ERI2: variants seen among roughly 807,000 people sequenced by gnomAD.
ERI2 encodes ERI1 exoribonuclease 2.
A neutral mutation model predicts 46.8 loss-of-function variants in ERI2; 35 were observed. The ratio of observed to expected loss-of-function variants is 0.75; its 90% CI spans 0.57 to 0.99. ERI2 has a LOEUF of 0.99. Ranked by LOEUF, ERI2 falls within the 50% of genes least tolerant of loss-of-function variation. The pLI is 0.00. For missense variants in ERI2, 695 were observed against 796.2 expected (o/e 0.87, Z 1.53); for synonymous variants, 224 against 271.0 (o/e 0.83, Z 1.70).
At position 20,798,646 on chromosome 16, in the gene ERI2, G is replaced by T; in HGVS notation, c.1154C>A (p.Pro385Gln). The T allele has an allele frequency of 6.4e-7, 1 of 1,551,604 alleles. No homozygotes were observed. Among genetic ancestry groups the T allele is most frequent in the Non-Finnish European group, 8.7e-7 (1 of 1,146,908 alleles). ...SELVLVSTTV[P>Q]TVHHVSDLEM... ...CAAATCAGAAACATGATGAACAGTT[G>T]GAACGGTGGTAGAAACAAGTACCAA... is the stretch of plus-strand genomic sequence containing the variant. The change falls in exon 9 of 9, where the codon CCA (proline) becomes CAA (glutamine). Residue 385 changes from proline to glutamine, a missense_variant. By Grantham distance (76) the Pro-to-Gln change is moderately conservative. Transcript: ENST00000357967.
chr16:20,780,823 A>T (rs1313518883), intron 10 of ERI2: 1 of 1,614,254 alleles, frequency 6.2e-7, no homozygotes, highest in South Asian at 1.1e-5. Flanking sequence ...ACACACCCAC[A>T]GCAGTTTTGG....
intron 10 of ERI2, chr16:20,786,428 C>T (rs1254397422): frequency 3.6e-5 from 21 of 579,656 alleles, no homozygotes; most frequent in Non-Finnish European, 5.0e-5. Context: ...CGCCTGTAAT[C>T]CCAACACTTT....
In ERI2 at chr16:20,799,322, G is replaced by A. The variant is rs1475074777; in HGVS notation, c.673C>T (p.Leu225Phe). The A allele has an allele frequency of 6.2e-7, 1 of 1,613,700 alleles. No homozygotes were observed. The highest frequency in any genetic ancestry group is 1.7e-4 in the Middle Eastern group (1 of 6,060). Residue 225 changes from leucine (L) to phenylalanine (F), a missense_variant, in exon 8 of 9, where the codon CTT (leucine) becomes TTT (phenylalanine). Transcript: ENST00000357967. ...CCATCTCTGATCATTTTCCAAGCAA[G>A]AAGGGCAGTATTCCGAGAATCGTCC... ...GLDDSRNTAL[L>F]AWKMIRDGCV...
chr16:20,799,865 AT>A, intron 7 of ERI2, 91 bp downstream of exon 7: 1 of 733,820 alleles, frequency 1.4e-6, no homozygotes. Flanking sequence ...GGCTGAAGAT[AT>A]CCCTTACTAA....
intron 10 of ERI2, among the ~76,000 whole-genome samples, chr16:20,789,044 A>G (rs1049389772): frequency 2.4e-4 from 36 of 152,258 alleles, no homozygotes; most frequent in African/African-American, 7.7e-4. Flanking sequence ...GAATATATAT[A>G]AAAGCAGAAT....
At chr16:20,795,353 T>C (rs921249748), downstream of ERI2, among the ~76,000 whole-genome samples, 6 of 152,184 alleles carry the variant, frequency 3.9e-5, no homozygotes, top group African/African-American at 1.4e-4. Flanking sequence ...AAATGGGTAA[T>C]TGTTCATACA....
rs150171056 is a variant in ERI2, at chr16:20,780,690, G to A, written c.939C>T (p.Asp313=). 16 of 1,614,080 alleles carry A rather than the reference G, an allele frequency of 9.9e-6. No individual in the cohort carries two copies. The African/African-American group carries it at 2.1e-4, about 22-fold the overall frequency. Reference sequence around the variant, plus strand: ...TCTGTGATGCTGTGTTTAACATGCAGTCATTGTAGTTTTTCCTTTGCAGAC... The same window carrying A: ...TCTGTGATGCTGTGTTTAACATGCAATCATTGTAGTTTTTCCTTTGCAGAC... The change falls in exon 11 of 11, where the codon GAC becomes GAT. Residue 313 remains aspartate (D), a synonymous_variant. Coordinates refer to the ERI2 transcript ENST00000300005.
In ERI2 at chr16:20,790,750, C is replaced by T. The variant is rs1339728168; in HGVS notation, c.815+100G>A. The T allele has an allele frequency of 9.3e-6, 15 of 1,613,422 alleles. No homozygotes were observed. The highest frequency in any genetic ancestry group is 5.3e-5 in the African/African-American group (4 of 74,908). On this transcript the variant is annotated intron_variant, in intron 9 of 10. Coordinates refer to the ERI2 transcript ENST00000300005. This position sits in a 1 kb window ranked among gnomAD's most constrained non-coding sequence, Gnocchi z 4.0. ...TTTCTCAAGTGCTTGGTAACAATCC[C>T]TGTTTGCCACAAAACATACCTAGGA...
chr16:20,803,449 G>A lies in ERI2; in HGVS notation c.159C>T (p.His53=). The A allele has an allele frequency of 6.2e-7, 1 of 1,613,908 alleles. No homozygotes were observed. The highest frequency in any genetic ancestry group is 8.5e-7 in the Non-Finnish European group (1 of 1,179,866). ...CAGACTTACTTATTTCCTGGCTATGGTGGTGCTTCCCATCATTCCAGCATG... is the reference window on the plus strand; with the variant it reads ...CAGACTTACTTATTTCCTGGCTATGATGGTGCTTCCCATCATTCCAGCATG... The part of the protein sequence containing the change: ...ESTCWNDGKH[H]HSQEIIEFPA... The change falls in exon 3 of 9, where the codon CAC becomes CAT. Residue 53 remains histidine (H), a synonymous_variant. Transcript: ENST00000357967.
intron 10 of ERI2, chr16:20,785,213 G>A (rs2080446616): frequency 6.8e-7 from 1 of 1,462,416 alleles, no homozygotes; most frequent in East Asian, 2.4e-5. Context: ...TAGGAGTTGA[G>A]TGGTTAGAAA....
At position 20,790,249 on chromosome 16, in the gene ERI2, A is replaced by G. The variant is rs1178829921; in HGVS notation, c.815+601T>C. ...GGAATATCACTGGAAGCCAGGAACC[A>G]GCCTGGGCAACATAATGAGTCCCTC... On this transcript the variant is annotated intron_variant, in intron 9 of 10. Coordinates refer to the ERI2 transcript ENST00000300005. The surrounding 1 kb of genome is among the most constrained non-coding windows in gnomAD (Gnocchi z 4.0). Among the ~76,000 whole-genome samples, 2 of 152,182 alleles carry G rather than the reference A, an allele frequency of 1.3e-5. No individual in the cohort carries two copies. Among genetic ancestry groups the G allele is most frequent in the African/African-American group, 4.8e-5 (2 of 41,454 alleles).
At chr16:20,789,413 G>C in intron 10 of ERI2, 1 of 1,177,182 alleles carries the variant, frequency 8.5e-7, no homozygotes, top group Non-Finnish European at 1.3e-6. Flanking sequence ...CTAGCTACTG[G>C]TAGACACTTC....
At chr16:20,781,131 G>A in intron 10 of ERI2, 1 of 1,613,844 alleles carries the variant, frequency 6.2e-7, no homozygotes, top group African/African-American at 1.3e-5. Context: ...TATCTTGCAA[G>A]TAAGCCAAAG....
At chr16:20,782,340 A>G (rs2080369941) in intron 10 of ERI2, among the ~76,000 whole-genome samples, 2 of 152,146 alleles carry the variant, frequency 1.3e-5, no homozygotes, top group African/African-American at 4.8e-5. Context: ...TGGTGCTCCC[A>G]TCACCCAAGC....
chr16:20,783,806 G>A (rs533914658), intron 10 of ERI2, among the ~76,000 whole-genome samples: 14 of 92,966 alleles, frequency 1.5e-4, no homozygotes, highest in South Asian at 5.3e-4. Flanking sequence ...TGTTCTCCCC[G>A]TCTCAATTTT....
At chr16:20,791,942 AT>A, downstream of ERI2, 2 of 1,570,254 alleles carry the variant, frequency 1.3e-6, no homozygotes, top group Admixed American at 1.9e-5. Context: ...AAAAAAAAAA[AT>A]TCCAATTGAC....
At chr16:20,806,361 G>C in intron 1 of ERI2, 47 bp downstream of exon 1, 1 of 1,547,236 alleles carries the variant, frequency 6.5e-7, no homozygotes, top group Middle Eastern at 1.7e-4. Context: ...CAACGCCAGC[G>C]CTGGACCCGG....
chr16:20,780,947 CA>C, intron 10 of ERI2: 1 of 1,613,660 alleles, frequency 6.2e-7, no homozygotes, highest in Non-Finnish European at 8.5e-7. Context: ...TTCCTATGTA[CA>C]TCAGGGCTAC....
chr16:20,781,729 A>G (rs748225553), intron 10 of ERI2: 1 of 1,613,270 alleles, frequency 6.2e-7, no homozygotes, highest in African/African-American at 1.3e-5. Context: ...GTACCCCATC[A>G]CAGTCTTCTG....
Sources: allele counts gnomAD v4.1 joint callset (sites outside exome capture counted in the v4.1 genomes callset), GRCh38; gene constraint gnomAD v4.1.1; non-coding constraint Gnocchi (gnomAD v3.1); transcripts MANE v1.5; gene names NCBI Gene and HGNC (gene_info 2026-07-23, HGNC 2026-07-21).